The following BIRC6 variants were observed in gnomAD, a reference collection of about 807,000 sequenced individuals.
BIRC6 encodes dual E2 ubiquitin-conjugating enzyme/E3 ubiquitin-protein ligase BIRC6.
BIRC6 carries 98 observed loss-of-function variants against 503.3 expected under a neutral mutation model. The ratio of observed to expected loss-of-function variants is 0.19; its 90% CI spans 0.17 to 0.23. BIRC6 has a LOEUF of 0.23. BIRC6 is among the 10% of genes least tolerant of loss of function. The pLI is 1.00. For missense variants in BIRC6, 5,360 were observed against 5,806.0 expected (o/e 0.92, Z 2.50); for synonymous variants, 2,240 against 2,078.7 (o/e 1.08, Z -2.11).
rs2033254097 is a variant in BIRC6 at position 32,357,492 on chromosome 2, T to A, written c.325+6T>A. 1.3e-6 allele frequency: 2 copies of A among 1,540,372 alleles called. No homozygotes were observed. The highest frequency in any genetic ancestry group is 2.4e-5 in the South Asian group (2 of 82,940). On this transcript the variant is annotated splice_donor_region_variant and intron_variant, in intron 1 of 73. Coordinates refer to ENST00000421745, the MANE Select transcript of BIRC6 (RefSeq NM_016252.4). This position sits in a 1 kb window ranked among gnomAD's most constrained non-coding sequence, Gnocchi z 4.9. ...GCAGGCCTCCGCGCTCAGTGGTGAG[T>A]CTTCCGCACGCCGGGCGGGCGCGAA...
intron 22 of BIRC6, among the ~76,000 whole-genome samples, chr2:32,451,433 T>A (rs2046719119): frequency 6.6e-6 from 1 of 152,198 alleles, no homozygotes; most frequent in South Asian, 2.1e-4. Flanking sequence ...TCTTTTTGAT[T>A]TCGTTGACAT....
chr2:32,587,374 G>C (rs1018908621), intron 66 of BIRC6, among the ~76,000 whole-genome samples: 2 of 152,040 alleles, frequency 1.3e-5, no homozygotes, highest in Non-Finnish European at 2.9e-5. Flanking sequence ...GCAACAGAAC[G>C]AGACTCCGTC....
At chr2:32,377,494 A>G in intron 1 of BIRC6, 94 bp from the exon 2 acceptor site, 3 of 1,006,070 alleles carry the variant, frequency 3.0e-6, no homozygotes. Flanking sequence ...CCAATTCAGG[A>G]TAATATATTG....
intron 41 of BIRC6, 129 bp downstream of exon 41, chr2:32,487,930 T>C (rs934803295): frequency 4.1e-6 from 3 of 724,866 alleles, no homozygotes; most frequent in Non-Finnish European, 4.5e-6. Flanking sequence ...TGGAAAAATA[T>C]TAGAAATACT....
Position 32,389,468 on chromosome 2 carries a change from A to G in BIRC6, c.839+525A>G, listed in dbSNP as rs530002129. Reference sequence around the variant, plus strand: ...GCTCGCCCTGGATTTAAACAGTATTACAAAAATCATACCTAAACCATCATT... The same window carrying G: ...GCTCGCCCTGGATTTAAACAGTATTGCAAAAATCATACCTAAACCATCATT... On this transcript the variant is annotated intron_variant, in intron 4 of 73. Transcript: ENST00000421745. Among the ~76,000 whole-genome samples, 8 of 151,970 alleles carry G rather than the reference A, an allele frequency of 5.3e-5. No individual in the cohort carries two copies. In the East Asian group the frequency reaches 1.5e-3, roughly 29 times the overall value.
intron 55 of BIRC6, 119 bp from the exon 56 acceptor site, chr2:32,518,135 C>T: frequency 1.1e-6 from 1 of 938,124 alleles, no homozygotes; most frequent in Non-Finnish European, 1.5e-6. Flanking sequence ...TGTTCTTTAG[C>T]TACTGATTTG....
intron 45 of BIRC6, among the ~76,000 whole-genome samples, chr2:32,494,436 C>CA (rs2052167677): frequency 6.6e-6 from 1 of 151,630 alleles, no homozygotes; most frequent in Admixed American, 6.6e-5. Flanking sequence ...CTATGTTGGC[C>CA]AGGGTGGTCT....
At chr2:32,540,105 TG>T (rs898132572) in intron 61 of BIRC6, among the ~76,000 whole-genome samples, 1 of 152,124 alleles carries the variant, frequency 6.6e-6, no homozygotes, top group African/African-American at 2.4e-5. Context: ...TACGTTTGTA[TG>T]TATACACTTA....
intron 1 of BIRC6, among the ~76,000 whole-genome samples, chr2:32,369,938 AAAAAAAAATATAT>A (rs1453461187): frequency 7.4e-5 from 4 of 54,058 alleles, no homozygotes; most frequent in African/African-American, 4.0e-4. Flanking sequence ...AAAAAAAAAA[AAAAAAAAATATAT>A]ATATATATAT....
At chr2:32,550,410 C>G (rs552741852) in intron 65 of BIRC6, among the ~76,000 whole-genome samples, 1 of 152,278 alleles carries the variant, frequency 6.6e-6, no homozygotes, top group South Asian at 2.1e-4. Context: ...ATTTCCCAGT[C>G]TGTCTCAGAC....
rs2033162260 is a variant in BIRC6 at position 32,357,082 on chromosome 2, C to T, written c.-80C>T. ...TCCCTCCGAGTTTGGCCCCTCCGGCCGGGCGATCGACGTTCCGCGTGCGTG... is the reference window on the plus strand; with the variant it reads ...TCCCTCCGAGTTTGGCCCCTCCGGCTGGGCGATCGACGTTCCGCGTGCGTG... On this transcript the variant is annotated 5_prime_UTR_variant, in exon 1 of 74. Coordinates refer to ENST00000421745, the MANE Select transcript of BIRC6 (RefSeq NM_016252.4). The surrounding 1 kb of genome is among the most constrained non-coding windows in gnomAD (Gnocchi z 4.9). The T allele has an allele frequency of 1.3e-5, 17 of 1,259,816 alleles. No homozygotes were observed. The highest frequency in any genetic ancestry group is 1.8e-5 in the Non-Finnish European group (17 of 957,550). 78.0% of individuals were successfully genotyped at this position (1,259,816 alleles called of 1,614,324 possible). A position where few individuals can be genotyped will look rare whatever the true frequency, so the allele number is the denominator to read the frequency against.
intron 1 of BIRC6, among the ~76,000 whole-genome samples, chr2:32,363,462 C>T (rs1286613331): frequency 6.6e-6 from 1 of 152,148 alleles, no homozygotes; most frequent in East Asian, 1.9e-4. Flanking sequence ...CACCATCCTA[C>T]AGAACCCATC....
At chr2:32,373,838 T>G (rs985292264) in intron 1 of BIRC6, among the ~76,000 whole-genome samples, 10 of 152,194 alleles carry the variant, frequency 6.6e-5, no homozygotes, top group African/African-American at 1.9e-4. Flanking sequence ...AGAAGCAACC[T>G]AAGTGTCTGT....
At chr2:32,513,635 G>A (rs989784317) in intron 54 of BIRC6, among the ~76,000 whole-genome samples, 1 of 152,200 alleles carries the variant, frequency 6.6e-6, no homozygotes, top group African/African-American at 2.4e-5. Context: ...AGAAAGCTGG[G>A]CACAGTGGCT....
At chr2:32,379,515 TTC>T (rs1491211448) in intron 2 of BIRC6, 2 of 152,348 alleles carry the variant, frequency 1.3e-5, no homozygotes, top group East Asian at 3.9e-4. Flanking sequence ...ACTGTTTTTT[TTC>T]TCTTTGTACT....
chr2:32,429,200 C>G lies in BIRC6; in HGVS notation c.2927C>G (p.Ala976Gly). 1 of 1,585,180 alleles carries G rather than the reference C, an allele frequency of 6.3e-7. No homozygotes were observed. Among genetic ancestry groups the G allele is most frequent in the Non-Finnish European group, 8.6e-7 (1 of 1,163,962 alleles). The change falls in exon 11 of 74, where the codon GCT becomes GGT. Residue 976 changes from alanine (A) to glycine (G), a missense_variant. Transcript: ENST00000421745. ...GGAACCTGTGATGATATTGATGAAG[C>G]TGATATACTAGTGGATGGATCTCTT... is the stretch of plus-strand genomic sequence containing the variant. ...IGGTCDDIDE[A>G]DILVDGSLSK...
rs764777899 is a variant in BIRC6, at chr2:32,468,494, T to A, written c.5838T>A (p.Pro1946=). 8.7e-6 allele frequency: 14 copies of A among 1,613,532 alleles called. 1 individual carries two copies. In the South Asian group the frequency reaches 1.5e-4, roughly 18 times the overall value. ...ETLLQSIDLP[P]LNSANNAQYF... is the part of the protein sequence containing the mutation. ...TTTTGCAAAGTATTGATCTTCCTCC[T>A]CTAAACAGTGCTAACAATGCACAGT... is the stretch of plus-strand genomic sequence containing the variant. The change falls in exon 29 of 74, where the codon CCT becomes CCA. Residue 1946 remains proline, a synonymous_variant. Transcript: ENST00000421745.
intron 13 of BIRC6, among the ~76,000 whole-genome samples, chr2:32,434,987 G>A (rs772654684): frequency 2.0e-5 from 3 of 152,174 alleles, no homozygotes; most frequent in Non-Finnish European, 2.9e-5. Context: ...TTTTATATAA[G>A]GGACTGGAAC....
intron 66 of BIRC6, among the ~76,000 whole-genome samples, chr2:32,579,159 A>G (rs1452289518): frequency 6.6e-6 from 1 of 151,074 alleles, no homozygotes; most frequent in East Asian, 1.9e-4. Flanking sequence ...TTTTCATTGA[A>G]ATGATGTGTA....
Sources: gnomAD v4.1 joint callset for allele counts (sites outside exome capture counted in the v4.1 genomes callset) on GRCh38, gnomAD v4.1.1 for gene constraint, Gnocchi (gnomAD v3.1) non-coding constraint, MANE v1.5 for transcripts, NCBI Gene and HGNC (gene_info 2026-07-23, HGNC 2026-07-21) for gene names.